FBH1: variants seen among roughly 807,000 people sequenced by gnomAD.
FBH1 encodes the protein DNA 3'-5' helicase 1.
In FBH1, 43 loss-of-function variants were observed where a neutral mutation model predicts 115.5. The observed-to-expected ratio is 0.37, with a 90% confidence interval of 0.29 to 0.48. The LOEUF (loss-of-function observed/expected upper bound fraction) is 0.48, where lower values mean the gene tolerates loss of function less well. Among genes scored for constraint, FBH1 ranks in the 20% least tolerant of loss-of-function variants. The pLI, the probability that FBH1 is intolerant of heterozygous loss-of-function variation, is 0.99. For missense variants in FBH1, 1,001 were observed against 1,337.3 expected, an observed-to-expected ratio of 0.75 and a Z score of 3.92; for synonymous variants, 524 against 507.8, an observed-to-expected ratio of 1.03 and a Z score of -0.43.
chr10:5,896,448 C>G (rs951445842), intron 1 of FBH1, among the ~76,000 whole-genome samples: 2 of 152,116 alleles, frequency 1.3e-5, no homozygotes, highest in African/African-American at 2.4e-5. Flanking sequence ...AGAGAAGTCA[C>G]ACTGTTAGAA....
rs1047031708 is a variant in FBH1, at chr10:5,923,048, A to G, written c.2323-573A>G. On this transcript the variant is annotated intron_variant, in intron 15 of 20. Transcript: ENST00000362091. This position sits in a 1 kb window ranked among gnomAD's most constrained non-coding sequence, Gnocchi z 5.7. Reference sequence around the variant, plus strand: ...TAGGCGCCTGCCACCACACCCGGCTAATTTTTGTATTTTTGGTAGAGACGG... The same window carrying G: ...TAGGCGCCTGCCACCACACCCGGCTGATTTTTGTATTTTTGGTAGAGACGG... Among the ~76,000 whole-genome samples the G allele has an allele frequency of 2.0e-5, 3 of 151,996 alleles. No individual in the cohort carries two copies. Among genetic ancestry groups the G allele is most frequent in the Admixed American group, 6.6e-5 (1 of 15,260 alleles).
chr10:5,927,219 A>G (rs1386328516), intron 18 of FBH1, among the ~76,000 whole-genome samples: 2 of 152,228 alleles, frequency 1.3e-5, no homozygotes, highest in Non-Finnish European at 2.9e-5. Flanking sequence ...TAGCAGGACT[A>G]AATAAAACCC....
chr10:5,925,388 A>G lies in FBH1; in HGVS notation c.2618A>G (p.His873Arg), dbSNP rs1284589707. ...CTAGAGTACATTCTGGGCACTGTGC[A>G]CAAAGCCAAAGGCCTGGAGTTTGAC... The part of the protein sequence containing the change: ...DFAEYILGTV[H>R]KAKGLEFDTV... The change falls in exon 18 of 21, where the codon CAC (histidine) becomes CGC (arginine). Residue 873 changes from histidine (H) to arginine (R), a missense_variant. By Grantham distance (29) the His-to-Arg change is conservative. Coordinates refer to ENST00000362091, the MANE Select transcript of FBH1 (RefSeq NM_178150.3). This position sits in a 1 kb window ranked among gnomAD's most constrained non-coding sequence, Gnocchi z 4.6. 2.5e-6 allele frequency: 4 copies of G among 1,614,068 alleles called. No homozygotes were observed. Among genetic ancestry groups the G allele is most frequent in the Non-Finnish European group, 3.4e-6 (4 of 1,180,038 alleles).
At chr10:5,929,373 A>G (rs1832840106) in intron 19 of FBH1, 1 of 152,176 alleles carries the variant, frequency 6.6e-6, no homozygotes, top group South Asian at 2.1e-4. Flanking sequence ...TTTTTCCTCC[A>G]GGCCTCTCTT....
Position 5,923,248 on chromosome 10 carries a change from ATTTGTGTTC to A in FBH1, c.2323-368_2323-360del, listed in dbSNP as rs1174620861. Among the ~76,000 whole-genome samples the A allele has an allele frequency of 3.9e-5, 6 of 152,164 alleles. No individual in the cohort carries two copies. The highest frequency in any genetic ancestry group is 8.8e-5 in the Non-Finnish European group (6 of 68,026). On this transcript the variant is annotated intron_variant, in intron 15 of 20. Coordinates refer to ENST00000362091, the MANE Select transcript of FBH1 (RefSeq NM_178150.3). The surrounding 1 kb of genome is among the most constrained non-coding windows in gnomAD (Gnocchi z 5.7). ...ACCCAGCACTTTGTATTCAGGTGCC[ATTTGTGTTC>A]TTTGGAATCGTCTTATGTTCTTGGA...
chr10:5,908,015 G>A (rs1033963785), intron 3 of FBH1, among the ~76,000 whole-genome samples: 1 of 152,142 alleles, frequency 6.6e-6, no homozygotes, highest in Admixed American at 6.6e-5. Context: ...GTATATGTTC[G>A]TTCAGCCCGC....
intron 13 of FBH1, among the ~76,000 whole-genome samples, chr10:5,919,265 C>T (rs1832167378): frequency 6.6e-6 from 1 of 152,124 alleles, no homozygotes; most frequent in Admixed American, 6.5e-5. Context: ...AAGGACAGAT[C>T]ACTTGAGGTC....
chr10:5,903,903 C>A (rs1161972118), intron 2 of FBH1, among the ~76,000 whole-genome samples: 1 of 152,150 alleles, frequency 6.6e-6, no homozygotes, highest in Non-Finnish European at 1.5e-5. Context: ...ACTACAGTAA[C>A]CTTGCTCCTT....
chr10:5,904,413 T>C (rs74688039), intron 2 of FBH1, among the ~76,000 whole-genome samples: 2,947 of 152,312 alleles, frequency 0.019, 102 homozygotes, highest in African/African-American at 0.067. Context: ...AACTTACTTA[T>C]ATCCTGTCTG....
At chr10:5,937,070 G>A (rs774646945) in intron 20 of FBH1, 40 bp from the exon 21 acceptor site, 1 of 1,535,384 alleles carries the variant, frequency 6.5e-7, no homozygotes, top group South Asian at 1.3e-5. Flanking sequence ...CATGTTCTTT[G>A]GTTGTTCCCC....
rs750874752 is a variant in FBH1 at position 5,921,275 on chromosome 10, G to A, written c.2118G>A (p.Val706=). 1.9e-6 allele frequency: 3 copies of A among 1,614,122 alleles called. No individual in the cohort carries two copies. The highest frequency in any genetic ancestry group is 2.5e-6 in the Non-Finnish European group (3 of 1,180,014). ...GTTTTCAGAGTTTTCGGTTTGGTGT[G>A]GAAATAGCTTATGTGGGAGCTACTA... The part of the protein sequence containing the change: ...FYLTQSFRFG[V]EIAYVGATIL... Residue 706 remains valine (V), a synonymous_variant, in exon 14 of 21, where the codon GTG becomes GTA. Coordinates refer to ENST00000362091, the MANE Select transcript of FBH1 (RefSeq NM_178150.3). This position sits in a 1 kb window ranked among gnomAD's most constrained non-coding sequence, Gnocchi z 6.4.
chr10:5,896,018 A>G (rs76236865), intron 1 of FBH1, among the ~76,000 whole-genome samples: 1 of 152,198 alleles, frequency 6.6e-6, no homozygotes, highest in Non-Finnish European at 1.5e-5. Context: ...AAAGAAGATT[A>G]AAAAAAGAAG....
chr10:5,928,185 G>A (rs1396350891), intron 19 of FBH1, among the ~76,000 whole-genome samples: 9 of 122,852 alleles, frequency 7.3e-5, no homozygotes, highest in African/African-American at 2.7e-4. Context: ...GGATCTCACT[G>A]TGTCACCCAG....
In FBH1 at chr10:5,935,337, T is replaced by C. The variant is rs189617142; in HGVS notation, c.2830-1119T>C. ...CGCTGTGACTGAGTCCTCTACAGCA[T>C]TTTAGAAAACCTAGGTGAGGAGGAA... is the stretch of plus-strand genomic sequence containing the variant. On this transcript the variant is annotated intron_variant, in intron 19 of 20. Coordinates refer to ENST00000362091, the MANE Select transcript of FBH1 (RefSeq NM_178150.3). This position sits in a 1 kb window ranked among gnomAD's most constrained non-coding sequence, Gnocchi z 5.2. The C allele has an allele frequency of 6.6e-6, 1 of 152,204 alleles. No homozygotes were observed. The highest frequency in any genetic ancestry group is 1.9e-4 in the East Asian group (1 of 5,196). 9.4% of individuals were successfully genotyped at this position (152,204 alleles called of 1,614,324 possible).
At chr10:5,908,870 T>A in intron 3 of FBH1, 55 bp from the exon 4 acceptor site, 1 of 1,600,150 alleles carries the variant, frequency 6.2e-7, no homozygotes, top group Non-Finnish European at 8.5e-7. Flanking sequence ...CTCATTAATC[T>A]GCTTTCTAAT....
At chr10:5,907,838 C>T (rs1843809796) in intron 3 of FBH1, among the ~76,000 whole-genome samples, 1 of 152,186 alleles carries the variant, frequency 6.6e-6, no homozygotes. Context: ...CTATTGATTT[C>T]TGGTTACATT....
chr10:5,923,534 CTTTATTTTGT>C lies in FBH1; in HGVS notation c.2323-83_2323-74del. On this transcript the variant is annotated intron_variant, in intron 15 of 20. Transcript: ENST00000362091. The surrounding 1 kb of genome is among the most constrained non-coding windows in gnomAD (Gnocchi z 5.7). Reference sequence around the variant, plus strand: ...TTTCAAAACCCCATCCCTGCATTTGCTTTATTTTGTTTTGTTAAAGCAACAACAAACAAAA... The same window carrying C: ...TTTCAAAACCCCATCCCTGCATTTGCTTTGTTAAAGCAACAACAAACAAAA... The C allele has an allele frequency of 2.6e-6, 3 of 1,144,702 alleles. No homozygotes were observed. Among genetic ancestry groups the C allele is most frequent in the Non-Finnish European group, 3.8e-6 (3 of 783,186 alleles). 70.9% of individuals were successfully genotyped at this position (1,144,702 alleles called of 1,614,324 possible). A position where few individuals can be genotyped will look rare whatever the true frequency, so the allele number is the denominator to read the frequency against.
At chr10:5,916,480 G>A in intron 10 of FBH1, 24 bp downstream of exon 10, 1 of 1,607,866 alleles carries the variant, frequency 6.2e-7, no homozygotes, top group Non-Finnish European at 8.5e-7. Flanking sequence ...TGTCTGAAGT[G>A]TTAGGGATCT....
chr10:5,903,886 C>T (rs971346978), intron 2 of FBH1, among the ~76,000 whole-genome samples: 43 of 152,164 alleles, frequency 2.8e-4, no homozygotes, highest in African/African-American at 9.9e-4. Flanking sequence ...CACCTAGGAC[C>T]TGGACTACTA....
Sources: allele counts gnomAD v4.1 joint callset (sites outside exome capture counted in the v4.1 genomes callset), GRCh38; gene constraint gnomAD v4.1.1; non-coding constraint Gnocchi (gnomAD v3.1); transcripts MANE v1.5; gene names NCBI Gene and HGNC (gene_info 2026-07-23, HGNC 2026-07-21).